Variants in BANP observed in about 807,000 individuals in gnomAD.
BANP encodes the protein BTG3 associated nuclear protein.
A neutral mutation model predicts 68.1 loss-of-function variants in BANP; 11 were observed. The observed-to-expected ratio is 0.16, with a 90% CI of 0.10 to 0.27. BANP has a LOEUF of 0.27. Among genes scored for constraint, BANP ranks in the 10% least tolerant of loss-of-function variants. The pLI, the probability that BANP is intolerant of heterozygous loss-of-function variation, is 1.00. For synonymous variants in BANP, 329 were observed against 303.2 expected (o/e 1.09, Z -0.88); for missense variants, 504 against 722.7 (o/e 0.70, Z 3.47).
intron 12 of BANP, among the ~76,000 whole-genome samples, chr16:88,067,637 A>G (rs4843787): frequency 0.62 from 94,751 of 151,886 alleles, 30,866 homozygotes; most frequent in Non-Finnish European, 0.74. Context: ...TGCCACTCCC[A>G]TTCAGAGCCG....
intron 13 of BANP, among the ~76,000 whole-genome samples, chr16:88,073,712 G>A (rs2090963350): frequency 2.0e-5 from 3 of 152,242 alleles, no homozygotes; most frequent in Admixed American, 1.3e-4. Context: ...GAGCGCTGCA[G>A]GAGGGCAGTG....
intron 4 of BANP, among the ~76,000 whole-genome samples, chr16:87,987,712 CAAAAAAAAAAA>C (rs66648819): frequency 4.3e-4 from 13 of 30,368 alleles, no homozygotes; most frequent in Admixed American, 3.4e-3. Flanking sequence ...GACCCTAACT[CAAAAAAAAAAA>C]AAAAAAAAAA....
chr16:87,994,723 C>A (rs1309599311), intron 4 of BANP, among the ~76,000 whole-genome samples: 1 of 152,008 alleles, frequency 6.6e-6, no homozygotes, highest in African/African-American at 2.4e-5. Flanking sequence ...TCATCTGAGA[C>A]CAGGAATTTG....
upstream of BANP, among the ~76,000 whole-genome samples, chr16:87,950,025 C>G (rs934322494): frequency 1.3e-5 from 2 of 152,038 alleles, no homozygotes; most frequent in Admixed American, 6.5e-5. Context: ...CTACAGGCGC[C>G]TGCCACCGCG....
chr16:88,047,401 G>A (rs116309643), intron 11 of BANP, among the ~76,000 whole-genome samples: 2,036 of 152,318 alleles, frequency 0.013, 40 homozygotes, highest in African/African-American at 0.04. Context: ...GTCAGTGAAT[G>A]GGCCTTGCTC....
intron 4 of BANP, among the ~76,000 whole-genome samples, chr16:88,001,641 ATAT>A: frequency 6.6e-6 from 1 of 151,996 alleles, no homozygotes; most frequent in African/African-American, 2.4e-5. Context: ...GCATATTATA[ATAT>A]TGATCTTTAA....
At chr16:88,043,330 T>C (rs938203447) in intron 11 of BANP, among the ~76,000 whole-genome samples, 1 of 152,204 alleles carries the variant, frequency 6.6e-6, no homozygotes, top group African/African-American at 2.4e-5. Flanking sequence ...CATTTGTGGC[T>C]GTGTTCTGGG....
At chr16:87,976,190 C>T (rs1241180641) in intron 2 of BANP, among the ~76,000 whole-genome samples, 1 of 152,214 alleles carries the variant, frequency 6.6e-6, no homozygotes, top group Non-Finnish European at 1.5e-5. Flanking sequence ...AGATAAGTTC[C>T]TAGAAGTAGA....
intron 11 of BANP, among the ~76,000 whole-genome samples, chr16:88,056,939 T>TAA (rs2085201761): frequency 6.6e-6 from 1 of 152,226 alleles, no homozygotes. Flanking sequence ...AACTACGGCT[T>TAA]ACGTTCACCA....
intron 6 of BANP, among the ~76,000 whole-genome samples, chr16:88,010,872 C>T (rs948776900): frequency 7.8e-6 from 1 of 127,836 alleles, no homozygotes; most frequent in Non-Finnish European, 1.7e-5. Context: ...ATTCACACAC[C>T]TCGCAGTGCA....
intron 9 of BANP, among the ~76,000 whole-genome samples, chr16:88,033,842 G>C (rs1272376373): frequency 6.6e-6 from 1 of 152,200 alleles, no homozygotes; most frequent in Non-Finnish European, 1.5e-5. Context: ...TTGCTCCCGG[G>C]TGAAGTCCCT....
chr16:88,068,607 C>T (rs1477742985), intron 12 of BANP, among the ~76,000 whole-genome samples: 1 of 152,100 alleles, frequency 6.6e-6, no homozygotes, highest in Non-Finnish European at 1.5e-5. Context: ...CCCACTGGTG[C>T]GGGTGCTGGC....
intron 9 of BANP, chr16:88,034,987 C>T (rs192351183): frequency 4.7e-5 from 12 of 257,184 alleles, no homozygotes; most frequent in East Asian, 4.1e-4. Context: ...CAGCCCGGGA[C>T]GTGAGTCGTT....
chr16:88,054,517 T>C (rs187264613), intron 11 of BANP, among the ~76,000 whole-genome samples: 130 of 152,146 alleles, frequency 8.5e-4, no homozygotes, highest in African/African-American at 3.1e-3. Context: ...ACCACCATTG[T>C]CCCTGTCACC....
At position 88,003,564 on chromosome 16, in the gene BANP, G is replaced by A; in HGVS notation, c.363-731G>A. 1 of 456,228 alleles carries A rather than the reference G, an allele frequency of 2.2e-6. No individual in the cohort carries two copies. The highest frequency in any genetic ancestry group is 6.9e-5 in the East Asian group (1 of 14,392). The allele number at this position is 456,228 out of a possible 1,614,324, so 28.3% of individuals were successfully genotyped here. A position where few individuals can be genotyped will look rare whatever the true frequency, so the allele number is the denominator to read the frequency against. On this transcript the variant is annotated intron_variant, in intron 4 of 13. Transcript: ENST00000682872. This position sits in a 1 kb window ranked among gnomAD's most constrained non-coding sequence, Gnocchi z 6.1. ...AAAAACGCATGATTGAAAACTGTGG[G>A]TGAGTCTGTACTTTGAGATGAAGCT...
At chr16:88,056,275 A>C (rs1005477242) in intron 11 of BANP, among the ~76,000 whole-genome samples, 3 of 152,192 alleles carry the variant, frequency 2.0e-5, no homozygotes, top group Admixed American at 6.5e-5. Flanking sequence ...AGCAGCAAGG[A>C]AGGTAGTTTC....
At chr16:88,020,582 G>A (rs898745600) in intron 7 of BANP, among the ~76,000 whole-genome samples, 25 of 152,268 alleles carry the variant, frequency 1.6e-4, no homozygotes, top group African/African-American at 5.8e-4. Context: ...GTCAGGCTGG[G>A]CTACAGGTTG....
intron 6 of BANP, among the ~76,000 whole-genome samples, chr16:88,016,620 G>C (rs2074623931): frequency 1.3e-5 from 2 of 152,228 alleles, no homozygotes; most frequent in African/African-American, 2.4e-5. Context: ...AGATACATTC[G>C]TAGAATCCCC....
At chr16:88,030,366 C>T (rs1479784330) in intron 8 of BANP, among the ~76,000 whole-genome samples, 1 of 152,136 alleles carries the variant, frequency 6.6e-6, no homozygotes, top group Non-Finnish European at 1.5e-5. Context: ...AAATAGAAGA[C>T]ATAAAAAAGA....
Sources: gnomAD v4.1 joint callset for allele counts (sites outside exome capture counted in the v4.1 genomes callset) on GRCh38, gnomAD v4.1.1 for gene constraint, Gnocchi (gnomAD v3.1) non-coding constraint, MANE v1.5 for transcripts, NCBI Gene and HGNC (gene_info 2026-07-23, HGNC 2026-07-21) for gene names.